RABL6: variants seen among roughly 807,000 people sequenced by gnomAD.
The protein encoded by RABL6 is rab-like protein 6.
A neutral mutation model predicts 72.9 loss-of-function variants in RABL6; 28 were observed. That is an observed-to-expected ratio of 0.38 (90% CI 0.28 to 0.53). RABL6 has a LOEUF of 0.53. RABL6 is among the 20% of genes least tolerant of loss of function. The pLI, the probability that RABL6 is intolerant of heterozygous loss-of-function variation, is 0.80. For missense variants in RABL6, 1,029 were observed against 1,008.4 expected (o/e 1.02, Z -0.28); for synonymous variants, 477 against 421.2 (o/e 1.13, Z -1.62).
intron 8 of RABL6, 90 bp downstream of exon 8, chr9:136,835,935 G>A (rs749836024): frequency 2.2e-5 from 27 of 1,252,934 alleles, no homozygotes; most frequent in Non-Finnish European, 2.9e-5. Context: ...GGAGACAGCA[G>A]AGGGGAGTGT....
At chr9:136,835,438 C>G (rs1848568022) in intron 7 of RABL6, 1 of 308,338 alleles carries the variant, frequency 3.2e-6, no homozygotes, top group Non-Finnish European at 6.1e-6. Context: ...CTTCTTCACT[C>G]TTAGAGGTGC....
rs748090051 is a variant in RABL6 at position 136,837,513 on chromosome 9, A to G, written c.977A>G (p.Asn326Ser). The G allele has an allele frequency of 2.2e-5, 34 of 1,542,020 alleles. No homozygotes were observed. The highest frequency in any genetic ancestry group is 1.7e-4 in the East Asian group (7 of 41,272). ...CAGCCCGCCCCACAGCTGCCCCTCAATGCCGCCCCACCATCCTCTGTGCCC... is the reference window on the plus strand; with the variant it reads ...CAGCCCGCCCCACAGCTGCCCCTCAGTGCCGCCCCACCATCCTCTGTGCCC... ...TPQPAPQLPL[N>S]AAPPSSVPPV... Residue 326 changes from asparagine (N) to serine (S), a missense_variant, in exon 9 of 15, where the codon AAT (asparagine) becomes AGT (serine). Coordinates refer to ENST00000311502, the MANE Select transcript of RABL6 (RefSeq NM_024718.5).
At chr9:136,831,637 G>C in intron 5 of RABL6, 84 bp from the exon 6 acceptor site, 3 of 1,571,178 alleles carry the variant, frequency 1.9e-6, no homozygotes, top group Non-Finnish European at 1.7e-6. Context: ...CACCATCCTC[G>C]GGCCTGGGCG....
At position 136,837,771 on chromosome 9, in the gene RABL6, C is replaced by T. The variant is rs531981783; in HGVS notation, c.1127-91C>T. 43 of 1,541,156 alleles carry T rather than the reference C, an allele frequency of 2.8e-5. No homozygotes were observed. The African/African-American group carries it at 4.0e-4, about 14-fold the overall frequency. On this transcript the variant is annotated intron_variant, in intron 9 of 14. Coordinates refer to ENST00000311502, the MANE Select transcript of RABL6 (RefSeq NM_024718.5). ...CGCTTCTTCCTGCTTGTCCCAGTCC[C>T]GTGGGCACATCCCGGGTGGGCCTGG...
chr9:136,824,786 C>T (rs1026598923), intron 2 of RABL6, among the ~76,000 whole-genome samples: 4 of 152,188 alleles, frequency 2.6e-5, no homozygotes, highest in African/African-American at 9.7e-5. Context: ...ATCTGCTGCT[C>T]TCTAGGGCCT....
At chr9:136,835,183 AG>A (rs909378565) in intron 7 of RABL6, 4 of 152,114 alleles carry the variant, frequency 2.6e-5, no homozygotes, top group Non-Finnish European at 4.4e-5. Context: ...GGATCACCTG[AG>A]GTCAGGAGTT....
At chr9:136,825,087 G>A (rs1289535856) in intron 2 of RABL6, among the ~76,000 whole-genome samples, 1 of 152,246 alleles carries the variant, frequency 6.6e-6, no homozygotes, top group Non-Finnish European at 1.5e-5. Context: ...ACAGAGCACA[G>A]TCATGGGAGC....
intron 1 of RABL6, among the ~76,000 whole-genome samples, chr9:136,816,124 A>G (rs1036276369): frequency 2.0e-5 from 3 of 152,150 alleles, no homozygotes; most frequent in Non-Finnish European, 4.4e-5. Flanking sequence ...GATTTTATTT[A>G]TTTAGGGTCT....
chr9:136,828,486 T>C lies in RABL6; in HGVS notation c.314-8T>C. 6.2e-7 allele frequency: 1 copy of C among 1,612,846 alleles called. No individual in the cohort carries two copies. The highest frequency in any genetic ancestry group is 1.8e-4 in the Middle Eastern group (1 of 5,626). ...CCACCTCGTAATTTTTGTTTGTTTT[T>C]AAATAAGGAAAATGCAAAAAGCGAG... is the stretch of plus-strand genomic sequence containing the variant. On this transcript the variant is annotated splice_polypyrimidine_tract_variant and splice_region_variant and intron_variant, in intron 3 of 14. Coordinates refer to ENST00000311502, the MANE Select transcript of RABL6 (RefSeq NM_024718.5).
At chr9:136,834,778 T>C (rs1241227393) in intron 7 of RABL6, among the ~76,000 whole-genome samples, 1 of 151,786 alleles carries the variant, frequency 6.6e-6, no homozygotes, top group Non-Finnish European at 1.5e-5. Context: ...ACGCCCAGCC[T>C]CACATTTTTA....
intron 1 of RABL6, chr9:136,822,045 CTG>C (rs1025457495): frequency 4.7e-6 from 6 of 1,289,480 alleles, no homozygotes; most frequent in African/African-American, 4.6e-5. Context: ...GAAGAAATGA[CTG>C]TGGGAACAGG....
chr9:136,832,320 G>C lies in RABL6; in HGVS notation c.655G>C (p.Gly219Arg). ...YAESSMKNSF[G>R]LKYLHKFFNI... ...TGAGTCTTCCATGAAGAACAGCTTCGGCCTAAAGTACCTTCATAAGTTCTT... is the reference window on the plus strand; with the variant it reads ...TGAGTCTTCCATGAAGAACAGCTTCCGCCTAAAGTACCTTCATAAGTTCTT... The change falls in exon 7 of 15, where the codon GGC (glycine) becomes CGC (arginine). Residue 219 changes from glycine (G) to arginine (R), a missense_variant. Physicochemically the swap from Gly to Arg is moderately radical, Grantham distance 125 (BLOSUM62 -2). Coordinates refer to ENST00000311502, the MANE Select transcript of RABL6 (RefSeq NM_024718.5). 1 of 1,613,866 alleles carries C rather than the reference G, an allele frequency of 6.2e-7. No homozygotes were observed. Among genetic ancestry groups the C allele is most frequent in the Non-Finnish European group, 8.5e-7 (1 of 1,179,844 alleles).
rs371858134 is a variant in RABL6 at position 136,839,267 on chromosome 9, G to A, written c.1539G>A (p.Thr513=). The A allele has an allele frequency of 1.2e-4, 193 of 1,607,148 alleles. No homozygotes were observed. The highest frequency in any genetic ancestry group is 8.5e-4 in the Middle Eastern group (5 of 5,906). ...ASKPRRGTAP[T]RTAAPPWPGG... is the part of the protein sequence containing the mutation. ...AGCCACGGAGGGGGACAGCTCCCAC[G>A]AGGACCGCAGCACCCCCCTGGCCAG... Residue 513 remains threonine (T), a synonymous_variant, in exon 12 of 15, where the codon ACG becomes ACA. Transcript: ENST00000311502.
chr9:136,828,531 G>A lies in RABL6; in HGVS notation c.351G>A (p.Glu117=). Residue 117 remains glutamate (E), a synonymous_variant, in exon 4 of 15, where the codon GAG becomes GAA. Coordinates refer to ENST00000311502, the MANE Select transcript of RABL6 (RefSeq NM_024718.5). ...CKKRGDGLKM[E]NDPQEAESEM... Reference sequence around the variant, plus strand: ...AGCGAGGCGACGGCTTAAAGATGGAGAACGACCCCCAGGAGGTGAGTGCCA... The same window carrying A: ...AGCGAGGCGACGGCTTAAAGATGGAAAACGACCCCCAGGAGGTGAGTGCCA... 6.2e-7 allele frequency: 1 copy of A among 1,613,322 alleles called. No homozygotes were observed. Among genetic ancestry groups the A allele is most frequent in the Non-Finnish European group, 8.5e-7 (1 of 1,179,790 alleles).
At chr9:136,811,027 C>T (rs1355464226) in intron 1 of RABL6, among the ~76,000 whole-genome samples, 1 of 152,136 alleles carries the variant, frequency 6.6e-6, no homozygotes, top group African/African-American at 2.4e-5. Context: ...GTGTGGGACA[C>T]CCACTGGTTT....
intron 1 of RABL6, among the ~76,000 whole-genome samples, chr9:136,817,693 G>T (rs930221460): frequency 6.6e-6 from 1 of 152,178 alleles, no homozygotes; most frequent in African/African-American, 2.4e-5. Context: ...ACTGTGCAAA[G>T]GCTCTTTTAG....
At position 136,835,813 on chromosome 9, in the gene RABL6, G is replaced by A. The variant is rs368690858; in HGVS notation, c.777G>A (p.Val259=). The change falls in exon 8 of 15, where the codon GTG becomes GTA. Residue 259 remains valine, a synonymous_variant. Coordinates refer to ENST00000311502, the MANE Select transcript of RABL6 (RefSeq NM_024718.5). ...ACGCCACGCTGGAGGAGCTGTCGGT[G>A]CAGCAGGAGACGGAGGACCAGAACT... is the stretch of plus-strand genomic sequence containing the variant. The part of the protein sequence containing the change: ...DMDATLEELS[V]QQETEDQNYG... 5 of 1,555,316 alleles carry A rather than the reference G, an allele frequency of 3.2e-6. No individual in the cohort carries two copies. Among genetic ancestry groups the A allele is most frequent in the African/African-American group, 2.7e-5 (2 of 73,208 alleles).
At chr9:136,832,885 C>T (rs1193353008) in intron 7 of RABL6, 1 of 320,622 alleles carries the variant, frequency 3.1e-6, no homozygotes, top group Non-Finnish European at 6.1e-6. Context: ...TTTGTAGAAA[C>T]AAGGGCCAGG....
At chr9:136,837,053 T>C in intron 8 of RABL6, 1 of 524,286 alleles carries the variant, frequency 1.9e-6, no homozygotes, top group South Asian at 2.0e-5. Flanking sequence ...TTTTTTGTAT[T>C]TTTAGTAGAG....
Sources: allele counts gnomAD v4.1 joint callset (sites outside exome capture counted in the v4.1 genomes callset), GRCh38; gene constraint gnomAD v4.1.1; transcripts MANE v1.5; gene names NCBI Gene and HGNC (gene_info 2026-07-23, HGNC 2026-07-21).